ENTPD1: variants seen among roughly 807,000 people sequenced by gnomAD.
ENTPD1 encodes the protein ATP diphosphohydrolase.
In ENTPD1, 33 loss-of-function variants were observed where a neutral mutation model predicts 57.0. The observed-to-expected ratio is 0.58, with a 90% confidence interval of 0.44 to 0.77. The LOEUF is 0.77. ENTPD1 is among the 30% of genes least tolerant of loss of function. The probability of loss-of-function intolerance (pLI) is 0.00; values close to 1 mark genes in which losing one functional copy is unlikely to be tolerated. For missense variants in ENTPD1, 501 were observed against 603.4 expected (o/e 0.83, Z 1.78); for synonymous variants, 202 against 218.8 (o/e 0.92, Z 0.68).
intron 1 of ENTPD1, among the ~76,000 whole-genome samples, chr10:95,732,364 C>A (rs184384626): frequency 6.6e-6 from 1 of 152,160 alleles, no homozygotes; most frequent in Non-Finnish European, 1.5e-5. Flanking sequence ...TAACCATGTA[C>A]GTCTTAGTTA....
chr10:95,854,411 G>A (rs141398660), intron 7 of ENTPD1, among the ~76,000 whole-genome samples: 1 of 152,232 alleles, frequency 6.6e-6, no homozygotes, highest in African/African-American at 2.4e-5. Flanking sequence ...TTGTTGAAGG[G>A]CTTTTTGTGT....
At chr10:95,764,733 T>TC (rs1189149672) in intron 1 of ENTPD1, among the ~76,000 whole-genome samples, 1 of 149,984 alleles carries the variant, frequency 6.7e-6, no homozygotes, top group Non-Finnish European at 1.5e-5. Context: ...TTTTTTTTTT[T>TC]TTTTTTGAGG....
intron 1 of ENTPD1, among the ~76,000 whole-genome samples, chr10:95,716,001 A>G (rs908778877): frequency 1.3e-5 from 2 of 152,192 alleles, no homozygotes; most frequent in African/African-American, 4.8e-5. Flanking sequence ...AGTAGCCGGG[A>G]CTACAGATGT....
At chr10:95,712,965 C>T (rs2097967403) in intron 1 of ENTPD1, among the ~76,000 whole-genome samples, 2 of 149,936 alleles carry the variant, frequency 1.3e-5, no homozygotes, top group Non-Finnish European at 1.5e-5. Flanking sequence ...ACCCGGGAGG[C>T]GGAGCTTGCA....
chr10:95,802,878 G>A (rs533663795), intron 1 of ENTPD1, among the ~76,000 whole-genome samples: 2 of 152,256 alleles, frequency 1.3e-5, no homozygotes, highest in Middle Eastern at 3.4e-3. Flanking sequence ...TTGGTTCCAA[G>A]TCTTTGCTAT....
At chr10:95,710,146 T>G (rs538375814), upstream of ENTPD1, among the ~76,000 whole-genome samples, 86 of 152,202 alleles carry the variant, frequency 5.7e-4, no homozygotes, top group African/African-American at 1.9e-3. Context: ...GGCTCATGCC[T>G]GTAATCCCAG....
rs1452045240 is a variant in ENTPD1 at position 95,847,687 on chromosome 10, C to G, written c.1055C>G (p.Pro352Arg). Residue 352 changes from proline to arginine, a missense_variant, in exon 7 of 10, where the codon CCA becomes CGA. Physicochemically the swap from Pro to Arg is moderately radical, Grantham distance 103 (BLOSUM62 -2). Coordinates refer to ENST00000371205, the MANE Select transcript of ENTPD1 (RefSeq NM_001776.6). ...GCCTTCAATGGGATTTTCTTGCCAC[C>G]ACTCCAGGGGGATTTTGGGGTAAGT... ...QCAFNGIFLP[P>R]LQGDFGAFSA... 4 of 1,614,182 alleles carry G rather than the reference C, an allele frequency of 2.5e-6. No individual in the cohort carries two copies. Among genetic ancestry groups the G allele is most frequent in the Non-Finnish European group, 3.4e-6 (4 of 1,180,034 alleles).
chr10:95,856,898 A>C (rs929829457), intron 7 of ENTPD1, among the ~76,000 whole-genome samples: 2 of 151,754 alleles, frequency 1.3e-5, no homozygotes, highest in Non-Finnish European at 2.9e-5. Flanking sequence ...TATTTGCTAT[A>C]GATATTAAAC....
At chr10:95,865,006 A>G in intron 9 of ENTPD1, 145 bp downstream of exon 9, 1 of 1,013,942 alleles carries the variant, frequency 9.9e-7, no homozygotes, top group Middle Eastern at 3.2e-4. Flanking sequence ...AAACCCTGGC[A>G]TTCTGTGTCA....
the ENTPD1 span, among the ~76,000 whole-genome samples, chr10:95,702,377 A>G: frequency 6.6e-6 from 1 of 152,178 alleles, no homozygotes; most frequent in African/African-American, 2.4e-5. Context: ...AGATTGGTTT[A>G]ACAGTGGATT....
At chr10:95,840,950 C>T (rs1426077391) in intron 3 of ENTPD1, among the ~76,000 whole-genome samples, 1 of 152,166 alleles carries the variant, frequency 6.6e-6, no homozygotes, top group Non-Finnish European at 1.5e-5. Flanking sequence ...GGAGATATTT[C>T]CAAGAGAGCA....
At chr10:95,723,593 C>G (rs2097980183) in intron 1 of ENTPD1, among the ~76,000 whole-genome samples, 1 of 152,082 alleles carries the variant, frequency 6.6e-6, no homozygotes, top group Non-Finnish European at 1.5e-5. Flanking sequence ...GAAGTAGATT[C>G]AGAGGTAAGG....
chr10:95,805,782 C>A (rs1053169069), intron 1 of ENTPD1, among the ~76,000 whole-genome samples: 1 of 152,052 alleles, frequency 6.6e-6, no homozygotes, highest in African/African-American at 2.4e-5. Flanking sequence ...AATTCTAGGT[C>A]GAAAATTCTT....
intron 1 of ENTPD1, among the ~76,000 whole-genome samples, chr10:95,761,877 G>A (rs1231806658): frequency 6.6e-6 from 1 of 152,202 alleles, no homozygotes. Context: ...AGGGACTCAG[G>A]GCTCTGAGAC....
chr10:95,809,768 G>A (rs1285226496), intron 1 of ENTPD1, among the ~76,000 whole-genome samples: 1 of 151,230 alleles, frequency 6.6e-6, no homozygotes, highest in Non-Finnish European at 1.5e-5. Context: ...CGGCTGGGCA[G>A]AGGCACTCCC....
At chr10:95,803,624 A>T (rs767690540) in intron 1 of ENTPD1, among the ~76,000 whole-genome samples, 1 of 152,170 alleles carries the variant, frequency 6.6e-6, no homozygotes, top group Non-Finnish European at 1.5e-5. Flanking sequence ...AGATGGGTAG[A>T]TCGCAAAAAT....
chr10:95,839,081 C>A (rs752006465), intron 2 of ENTPD1, among the ~76,000 whole-genome samples: 1 of 152,204 alleles, frequency 6.6e-6, no homozygotes, highest in Non-Finnish European at 1.5e-5. Context: ...AAAACAAACT[C>A]TGCATTTATT....
chr10:95,778,559 T>C (rs2140161763), intron 1 of ENTPD1, among the ~76,000 whole-genome samples: 1 of 152,370 alleles, frequency 6.6e-6, no homozygotes, highest in South Asian at 2.1e-4. Context: ...ATGCAATGGA[T>C]AAAATTTGAC....
At chr10:95,821,485 A>G (rs1292252690) in intron 1 of ENTPD1, among the ~76,000 whole-genome samples, 4 of 152,174 alleles carry the variant, frequency 2.6e-5, no homozygotes, top group Admixed American at 6.5e-5. Flanking sequence ...CACATGGGCC[A>G]TAATTAGGTG....
Sources: gnomAD v4.1 joint callset for allele counts (sites outside exome capture counted in the v4.1 genomes callset) on GRCh38, gnomAD v4.1.1 for gene constraint, MANE v1.5 for transcripts, NCBI Gene and HGNC (gene_info 2026-07-23, HGNC 2026-07-21) for gene names.